PRKG1: variants seen among roughly 807,000 people sequenced by gnomAD.
PRKG1 encodes protein kinase cGMP-dependent 1.
In PRKG1, 35 loss-of-function variants were observed where a neutral mutation model predicts 88.1. The observed-to-expected ratio is 0.40, with a 90% CI of 0.30 to 0.53. The LOEUF (loss-of-function observed/expected upper bound fraction) is 0.53. PRKG1 is among the 20% of genes least tolerant of loss of function. PRKG1 has a pLI of 0.59. For synonymous variants in PRKG1, 303 were observed against 292.5 expected, an observed-to-expected ratio of 1.04 and a Z score of -0.37; for missense variants, 540 against 839.8, an observed-to-expected ratio of 0.64 and a Z score of 4.41.
chr10:51,997,957 C>A (rs996608163), intron 5 of PRKG1, among the ~76,000 whole-genome samples: 3 of 152,066 alleles, frequency 2.0e-5, no homozygotes, highest in African/African-American at 7.2e-5. Flanking sequence ...TAGCAAGCAT[C>A]TTTTCCTCTT....
intron 5 of PRKG1, among the ~76,000 whole-genome samples, chr10:51,992,492 AT>A (rs147993421): frequency 3.3e-5 from 5 of 151,424 alleles, no homozygotes; most frequent in East Asian, 1.9e-4. Context: ...GAACTATAAC[AT>A]TTTTTTTTCC....
chr10:51,855,326 G>A (rs1840653409), intron 4 of PRKG1, among the ~76,000 whole-genome samples: 1 of 152,114 alleles, frequency 6.6e-6, no homozygotes, highest in Admixed American at 6.6e-5. Context: ...TTCTATTCTA[G>A]AGTAACTGGA....
chr10:51,302,480 G>A (rs1249273789), intron 2 of PRKG1: 1 of 151,230 alleles, frequency 6.6e-6, no homozygotes, highest in Non-Finnish European at 1.5e-5. Context: ...AGGAAAGTAT[G>A]AAAAAATATG....
chr10:52,054,101 C>T (rs2133253708), intron 5 of PRKG1, among the ~76,000 whole-genome samples: 1 of 152,194 alleles, frequency 6.6e-6, no homozygotes, highest in African/African-American at 2.4e-5. Context: ...AGAATATTTT[C>T]ATCAAACAAT....
intron 1 of PRKG1, among the ~76,000 whole-genome samples, chr10:51,129,861 A>C (rs1211670999): frequency 6.6e-6 from 1 of 152,136 alleles, no homozygotes; most frequent in Non-Finnish European, 1.5e-5. Context: ...CCCTGGTCCT[A>C]TCAAATTTTA....
intron 7 of PRKG1, chr10:52,126,054 G>A (rs971192936): frequency 2.0e-5 from 3 of 152,128 alleles, no homozygotes; most frequent in Non-Finnish European, 4.4e-5. Context: ...AGAATGGTGT[G>A]CAATTTAAAA....
At chr10:52,287,252 A>C (rs1842137022) in intron 14 of PRKG1, among the ~76,000 whole-genome samples, 1 of 152,078 alleles carries the variant, frequency 6.6e-6, no homozygotes, top group South Asian at 2.1e-4. Context: ...ATAAAATTTT[A>C]AATTCTAAGA....
rs953062272 is a variant in PRKG1, at chr10:51,846,057, C to G, written c.698+41367C>G. ...TTTGAACAACATATAAGAACCAGCT[C>G]CCCCAAAATGGGCAGCCAAATGCCC... On this transcript the variant is annotated intron_variant, in intron 4 of 17. Coordinates refer to ENST00000373980, the MANE Select transcript of PRKG1 (RefSeq NM_006258.4). 2.0e-5 allele frequency among the ~76,000 whole-genome samples: 3 copies of G among 152,060 alleles called. No individual in the cohort carries two copies. The South Asian group carries it at 6.2e-4, about 32-fold the overall frequency.
chr10:51,798,215 A>G (rs1452457413), intron 3 of PRKG1, among the ~76,000 whole-genome samples: 2 of 152,050 alleles, frequency 1.3e-5, no homozygotes, highest in African/African-American at 2.4e-5. Context: ...TTTTCTCAGG[A>G]ACCACCATAT....
At chr10:51,064,620 T>C (rs1843728404) in intron 1 of PRKG1, among the ~76,000 whole-genome samples, 1 of 152,102 alleles carries the variant, frequency 6.6e-6, no homozygotes, top group African/African-American at 2.4e-5. Context: ...AAGACCTATA[T>C]TCAAGTCTAA....
intron 2 of PRKG1, among the ~76,000 whole-genome samples, chr10:51,406,618 TTTG>T (rs1325303358): frequency 1.2e-4 from 8 of 69,554 alleles, no homozygotes; most frequent in Admixed American, 4.7e-4. Flanking sequence ...AAGCATTATG[TTTG>T]TTTTTTTTTT....
chr10:51,690,743 T>C (rs1001417229), intron 3 of PRKG1, among the ~76,000 whole-genome samples: 2 of 151,880 alleles, frequency 1.3e-5, no homozygotes, highest in Non-Finnish European at 2.9e-5. Context: ...CTGGCCAATA[T>C]GGTGAAACCC....
intron 1 of PRKG1, among the ~76,000 whole-genome samples, chr10:51,043,875 T>C (rs1387962172): frequency 6.6e-6 from 1 of 152,226 alleles, no homozygotes; most frequent in Non-Finnish European, 1.5e-5. Flanking sequence ...CTGACAGTTC[T>C]GGTATTCAAA....
At chr10:51,984,527 A>G (rs1412413024) in intron 5 of PRKG1, among the ~76,000 whole-genome samples, 1 of 152,214 alleles carries the variant, frequency 6.6e-6, no homozygotes, top group Non-Finnish European at 1.5e-5. Context: ...CTTGTGTTAT[A>G]GGCAACAGGA....
At chr10:52,211,447 T>C (rs1839968997) in intron 9 of PRKG1, among the ~76,000 whole-genome samples, 1 of 152,122 alleles carries the variant, frequency 6.6e-6, no homozygotes, top group Non-Finnish European at 1.5e-5. Flanking sequence ...AGCTGTCCGG[T>C]TGTAGGTTTT....
intron 2 of PRKG1, among the ~76,000 whole-genome samples, chr10:51,237,376 A>G (rs1839025732): frequency 6.6e-6 from 1 of 152,156 alleles, no homozygotes; most frequent in African/African-American, 2.4e-5. Context: ...GGGAACACAC[A>G]GAGATTTGCT....
intron 4 of PRKG1, among the ~76,000 whole-genome samples, chr10:51,868,179 T>C (rs956283293): frequency 4.6e-5 from 7 of 152,158 alleles, no homozygotes; most frequent in Admixed American, 6.5e-5. Context: ...GGACGACTTA[T>C]ACAAAGATGG....
chr10:51,442,466 A>G (rs1036847529), intron 2 of PRKG1, among the ~76,000 whole-genome samples: 3 of 152,042 alleles, frequency 2.0e-5, no homozygotes, highest in Non-Finnish European at 2.9e-5. Context: ...TGGCTACAAC[A>G]TAAATGACAA....
intron 2 of PRKG1, among the ~76,000 whole-genome samples, chr10:51,334,615 G>T (rs749398371): frequency 3.1e-4 from 47 of 152,006 alleles, no homozygotes; most frequent in Non-Finnish European, 8.8e-5. Flanking sequence ...CCATACTTTT[G>T]CTTACCCCAA....
Sources: gnomAD v4.1 joint callset for allele counts (sites outside exome capture counted in the v4.1 genomes callset) on GRCh38, gnomAD v4.1.1 for gene constraint, MANE v1.5 for transcripts, NCBI Gene and HGNC (gene_info 2026-07-23, HGNC 2026-07-21) for gene names.